The following NCKAP5 variants were observed in gnomAD, a reference collection of about 807,000 sequenced individuals.
The protein encoded by NCKAP5 is nck-associated protein 5.
In NCKAP5, 92 loss-of-function variants were observed where a neutral mutation model predicts 167.0. The ratio of observed to expected loss-of-function variants is 0.55; its 90% CI spans 0.47 to 0.66. The LOEUF is 0.66. Among genes scored for constraint, NCKAP5 ranks in the 30% least tolerant of loss-of-function variants. NCKAP5 has a pLI of 0.00. For synonymous variants in NCKAP5, 891 were observed against 877.4 expected (o/e 1.02, Z -0.27); for missense variants, 2,378 against 2,315.0 (o/e 1.03, Z -0.56).
chr2:132,994,704 C>T (rs968470165), intron 6 of NCKAP5, among the ~76,000 whole-genome samples: 1 of 152,196 alleles, frequency 6.6e-6, no homozygotes, highest in Admixed American at 6.5e-5. Context: ...CTTCATTCTT[C>T]TCAACTACAG....
At chr2:133,469,697 G>A (rs960662546) in intron 3 of NCKAP5, among the ~76,000 whole-genome samples, 2 of 151,814 alleles carry the variant, frequency 1.3e-5, no homozygotes, top group African/African-American at 4.8e-5. Flanking sequence ...TTTCTTGGAG[G>A]CTTTGCTCAT....
At chr2:133,089,268 C>G (rs927089598) in intron 6 of NCKAP5, among the ~76,000 whole-genome samples, 1 of 152,166 alleles carries the variant, frequency 6.6e-6, no homozygotes, top group Non-Finnish European at 1.5e-5. Context: ...GCACATAAAA[C>G]ATGAATGGGA....
At chr2:133,262,114 T>C (rs1013861938) in intron 4 of NCKAP5, among the ~76,000 whole-genome samples, 2 of 152,242 alleles carry the variant, frequency 1.3e-5, no homozygotes, top group Non-Finnish European at 2.9e-5. Flanking sequence ...ATGTGTTAGA[T>C]TTTATTCTTA....
At chr2:133,093,940 G>T (rs2081268144) in intron 6 of NCKAP5, among the ~76,000 whole-genome samples, 1 of 152,158 alleles carries the variant, frequency 6.6e-6, no homozygotes, top group Non-Finnish European at 1.5e-5. Context: ...AGCAGTCCTG[G>T]AAGGTCCCTA....
intron 6 of NCKAP5, among the ~76,000 whole-genome samples, chr2:133,086,154 G>A (rs1353347236): frequency 2.0e-5 from 3 of 152,130 alleles, no homozygotes; most frequent in Non-Finnish European, 4.4e-5. Context: ...GTCCTCTTCC[G>A]CCATTCTTTG....
Position 133,106,079 on chromosome 2 carries a change from G to A in NCKAP5, c.341+23899C>T, listed in dbSNP as rs530505504. Reference sequence around the variant, plus strand: ...GAGGTCGAGGTGGGTGGATCATGAGGTCAGGAGATGGAGACCATCCTGGCT... The same window carrying A: ...GAGGTCGAGGTGGGTGGATCATGAGATCAGGAGATGGAGACCATCCTGGCT... On this transcript the variant is annotated intron_variant, in intron 6 of 19. Coordinates refer to ENST00000409261, the MANE Select transcript of NCKAP5 (RefSeq NM_207363.3). Among the ~76,000 whole-genome samples the A allele has an allele frequency of 2.3e-4, 35 of 152,004 alleles. No individual in the cohort carries two copies. The East Asian group carries it at 2.7e-3, about 12-fold the overall frequency.
intron 6 of NCKAP5, among the ~76,000 whole-genome samples, chr2:133,022,798 C>G (rs985603820): frequency 4.6e-5 from 7 of 152,226 alleles, no homozygotes; most frequent in Admixed American, 4.6e-4. Flanking sequence ...TCCTACTCAT[C>G]TGTCTTACAT....
chr2:133,599,786 C>A, the NCKAP5 span, among the ~76,000 whole-genome samples: 1 of 152,206 alleles, frequency 6.6e-6, no homozygotes, highest in Non-Finnish European at 1.5e-5. Flanking sequence ...TGAGGAGCGC[C>A]TGCACATGTG....
intron 5 of NCKAP5, among the ~76,000 whole-genome samples, chr2:133,156,732 C>T (rs1574214542): frequency 6.6e-6 from 1 of 152,282 alleles, no homozygotes; most frequent in South Asian, 2.1e-4. Flanking sequence ...TTCCTTGCCT[C>T]CTAACCTGCT....
rs1412948125 is a variant in NCKAP5, at chr2:132,728,807, A to AC, written c.5580+8dup. 1.2e-6 allele frequency: 2 copies of AC among 1,612,924 alleles called. No homozygotes were observed. The highest frequency in any genetic ancestry group is 2.7e-5 in the African/African-American group (2 of 74,702). ...TGGATTGCACCCTTCACCTCCCCCG[A>AC]CCCCTCACCTGGGTCCCGGTGGCAG... is the stretch of plus-strand genomic sequence containing the variant. On this transcript the variant is annotated intron_variant, in intron 18 of 19. Coordinates refer to ENST00000409261, the MANE Select transcript of NCKAP5 (RefSeq NM_207363.3).
intron 19 of NCKAP5, among the ~76,000 whole-genome samples, chr2:132,690,315 G>A (rs965728888): frequency 2.0e-5 from 3 of 152,164 alleles, no homozygotes; most frequent in Non-Finnish European, 4.4e-5. Flanking sequence ...GTCCAGGGCT[G>A]GTTCCTGCTT....
At chr2:133,371,804 C>T (rs1404105301) in intron 3 of NCKAP5, among the ~76,000 whole-genome samples, 1 of 152,188 alleles carries the variant, frequency 6.6e-6, no homozygotes, top group Non-Finnish European at 1.5e-5. Context: ...GTTCTACCTC[C>T]ATACCTCAGT....
chr2:133,481,125 A>G (rs1414136063), intron 3 of NCKAP5, among the ~76,000 whole-genome samples: 2 of 152,190 alleles, frequency 1.3e-5, no homozygotes, highest in Admixed American at 6.6e-5. Flanking sequence ...CAGTGTGGCT[A>G]TTGCTTTGGA....
At chr2:133,168,581 C>T (rs750199395) in intron 5 of NCKAP5, among the ~76,000 whole-genome samples, 2 of 152,094 alleles carry the variant, frequency 1.3e-5, no homozygotes, top group East Asian at 1.9e-4. Flanking sequence ...GAGCCCACCT[C>T]CTCTTTCGAG....
At chr2:132,935,223 T>C (rs996837294) in intron 8 of NCKAP5, among the ~76,000 whole-genome samples, 1 of 152,206 alleles carries the variant, frequency 6.6e-6, no homozygotes, top group Non-Finnish European at 1.5e-5. Context: ...CAGCCATTTA[T>C]CCACCTTGAA....
At chr2:133,436,235 C>T (rs1276475540) in intron 3 of NCKAP5, among the ~76,000 whole-genome samples, 1 of 152,198 alleles carries the variant, frequency 6.6e-6, no homozygotes, top group Non-Finnish European at 1.5e-5. Context: ...CTGTTAGAAT[C>T]AGGTAACGGG....
Position 132,784,094 on chromosome 2 carries a change from C to G in NCKAP5, c.2717G>C (p.Ser906Thr), listed in dbSNP as rs1683326991. Residue 906 changes from serine (S) to threonine (T), a missense_variant, in exon 14 of 20, where the codon AGT becomes ACT. By Grantham distance (58) the Ser-to-Thr change is moderately conservative. Transcript: ENST00000409261. ...TTCATCCCTCGTGGGGGGCTCTCCA[C>G]TGTCACTAGACTCAATGGCAGGCCT... ...RSRPAIESSD[S>T]GEPPTRDEHC... 2 of 1,521,234 alleles carry G rather than the reference C, an allele frequency of 1.3e-6. No homozygotes were observed. The highest frequency in any genetic ancestry group is 1.8e-6 in the Non-Finnish European group (2 of 1,136,746). 94.2% of individuals were successfully genotyped at this position (1,521,234 alleles called of 1,614,324 possible). A position where few individuals can be genotyped will look rare whatever the true frequency, so the allele number is the denominator to read the frequency against.
At chr2:132,808,967 T>A (rs7559449) in intron 11 of NCKAP5, among the ~76,000 whole-genome samples, 1 of 151,906 alleles carries the variant, frequency 6.6e-6, no homozygotes, top group African/African-American at 2.4e-5. Flanking sequence ...ATAGATTGTG[T>A]CATTATTGTC....
chr2:133,355,590 A>C (rs1319359168), intron 3 of NCKAP5, among the ~76,000 whole-genome samples: 1 of 150,886 alleles, frequency 6.6e-6, no homozygotes, highest in African/African-American at 2.4e-5. Context: ...GTGATTACTT[A>C]TTGCCAACCT....
Sources: gnomAD v4.1 joint callset for allele counts (sites outside exome capture counted in the v4.1 genomes callset) on GRCh38, gnomAD v4.1.1 for gene constraint, MANE v1.5 for transcripts, NCBI Gene and HGNC (gene_info 2026-07-23, HGNC 2026-07-21) for gene names.